The following PITPNM2 variants were observed in gnomAD, a reference collection of about 807,000 sequenced individuals.
PITPNM2 encodes the protein membrane-associated phosphatidylinositol transfer protein 2.
A neutral mutation model predicts 132.2 loss-of-function variants in PITPNM2; 35 were observed. The observed-to-expected ratio is 0.26, with a 90% CI of 0.20 to 0.35. The LOEUF is 0.35. Ranked by LOEUF, PITPNM2 falls within the 10% of genes least tolerant of loss-of-function variation. The pLI, the probability that PITPNM2 is intolerant of heterozygous loss-of-function variation, is 1.00. For synonymous variants in PITPNM2, 738 were observed against 799.2 expected, an observed-to-expected ratio of 0.92 and a Z score of 1.29; for missense variants, 1,332 against 1,912.0, an observed-to-expected ratio of 0.70 and a Z score of 5.66.
At chr12:123,147,976 G>A (rs923491577) in intron 1 of PITPNM2, among the ~76,000 whole-genome samples, 16 of 152,114 alleles carry the variant, frequency 1.1e-4, no homozygotes, top group African/African-American at 2.9e-4. Flanking sequence ...AGTTTCCTGC[G>A]GGAAGGCAAA....
In PITPNM2 at chr12:122,986,170, C is replaced by T. The variant is rs372311787; in HGVS notation, c.3907G>A (p.Gly1303Arg). 8.3e-5 allele frequency: 128 copies of T among 1,539,534 alleles called. No individual in the cohort carries two copies. The African/African-American group carries it at 1.3e-3, about 16-fold the overall frequency. Residue 1303 changes from glycine (G) to arginine (R), a missense_variant, in exon 26 of 26, where the codon GGG (glycine) becomes AGG (arginine). This residue lies in a region of PITPNM2 where 163 missense variants were observed against 177.2 expected (regional missense o/e 0.92). Transcript: ENST00000320201. ...LLRTISAQPS[G>R]PSHRHERTQS... is the part of the protein sequence containing the mutation. ...GTCCGCTCGTGCCGGTGGCTGGGCC[C>T]GCTGGGCTGGGCCGAGATGGTGCGA... is the stretch of plus-strand genomic sequence containing the variant.
intron 2 of PITPNM2, among the ~76,000 whole-genome samples, chr12:123,072,727 T>C (rs538220333): frequency 5.2e-5 from 8 of 152,384 alleles, no homozygotes; most frequent in African/African-American, 1.7e-4. Flanking sequence ...GCTTTCAGGA[T>C]GCCGAAGGCA....
chr12:123,067,546 G>T (rs973577614), intron 2 of PITPNM2, among the ~76,000 whole-genome samples: 1 of 152,068 alleles, frequency 6.6e-6, no homozygotes, highest in African/African-American at 2.4e-5. Context: ...AGAAGGCCAT[G>T]TGAAGGCAGA....
At chr12:123,151,147 G>A (rs1382631082), upstream of PITPNM2, among the ~76,000 whole-genome samples, 1 of 146,356 alleles carries the variant, frequency 6.8e-6, no homozygotes, top group Admixed American at 6.8e-5. Flanking sequence ...GCCTCCTCAG[G>A]CCGCGCGGGG....
At position 122,986,501 on chromosome 12, in the gene PITPNM2, T is replaced by C; in HGVS notation, c.3661A>G (p.Ser1221Gly). 2 of 1,592,702 alleles carry C rather than the reference T, an allele frequency of 1.3e-6. No individual in the cohort carries two copies. Among genetic ancestry groups the C allele is most frequent in the Non-Finnish European group, 1.7e-6 (2 of 1,170,088 alleles). The change falls in exon 25 of 26, where the codon AGC becomes GGC. Residue 1221 changes from serine (S) to glycine (G), a missense_variant. Transcript: ENST00000320201. ...ATGTAGATCTGCATGGGGGACAGGC[T>C]AATGGCGCTGTACACCGCCACGTCC... ...TKDVAVYSAI[S>G]LSPMQIYIVG...
chr12:123,135,073 C>T (rs1365867529), intron 1 of PITPNM2, among the ~76,000 whole-genome samples: 1 of 152,130 alleles, frequency 6.6e-6, no homozygotes, highest in Non-Finnish European at 1.5e-5. Flanking sequence ...CAGCCTTTCG[C>T]AGTGCCCACT....
chr12:123,063,000 C>A (rs1044844514), intron 2 of PITPNM2, among the ~76,000 whole-genome samples: 6 of 152,196 alleles, frequency 3.9e-5, no homozygotes, highest in Non-Finnish European at 7.3e-5. Context: ...AGCAAATGTG[C>A]ACACACACAC....
chr12:122,984,107 T>A lies in PITPNM2; in HGVS notation c.*1920A>T, dbSNP rs898775417. 1 of 153,064 alleles carries A rather than the reference T, an allele frequency of 6.5e-6. No individual in the cohort carries two copies. The highest frequency in any genetic ancestry group is 6.5e-5 in the Admixed American group (1 of 15,314). 9.5% of individuals were successfully genotyped at this position (153,064 alleles called of 1,614,324 possible). On this transcript the variant is annotated 3_prime_UTR_variant, in exon 26 of 26. Coordinates refer to ENST00000320201, the MANE Select transcript of PITPNM2 (RefSeq NM_020845.3). ...GAGAGCCCCAGGGGACTATTGCTGT[T>A]GTCCTTGGCATGGCTGGCGGCTGGG...
chr12:123,066,584 A>G (rs1030000863), intron 2 of PITPNM2, among the ~76,000 whole-genome samples: 1 of 152,102 alleles, frequency 6.6e-6, no homozygotes, highest in African/African-American at 2.4e-5. Context: ...TCCTCTCTGC[A>G]ATGCCCATCC....
rs910351434 is a variant in PITPNM2 at position 123,000,541 on chromosome 12, G to A, written c.1224+237C>T. On this transcript the variant is annotated intron_variant, in intron 10 of 25. Transcript: ENST00000320201. This position sits in a 1 kb window ranked among gnomAD's most constrained non-coding sequence, Gnocchi z 5.4. ...GTGGAGCTTGGATAAGGCTTTCTCAGGGGTTGTCTGTAGTCCCTGGTTCTC... is the reference window on the plus strand; with the variant it reads ...GTGGAGCTTGGATAAGGCTTTCTCAAGGGTTGTCTGTAGTCCCTGGTTCTC... The A allele has an allele frequency of 2.9e-6, 2 of 689,938 alleles. No homozygotes were observed. Among genetic ancestry groups the A allele is most frequent in the East Asian group, 2.7e-5 (1 of 37,048 alleles). 42.7% of individuals were successfully genotyped at this position (689,938 alleles called of 1,614,324 possible).
chr12:123,103,274 C>T (rs2042610409), intron 2 of PITPNM2, among the ~76,000 whole-genome samples: 1 of 152,174 alleles, frequency 6.6e-6, no homozygotes, highest in African/African-American at 2.4e-5. Flanking sequence ...TACAGGCTCC[C>T]TGGGTTTGCT....
intron 1 of PITPNM2, among the ~76,000 whole-genome samples, chr12:123,125,877 T>TG (rs1244604585): frequency 1.9e-5 from 2 of 105,508 alleles, no homozygotes; most frequent in Admixed American, 9.1e-5. Context: ...TTTTTTTTTT[T>TG]TTTTTTTTTT....
chr12:123,018,912 T>G (rs888631721), intron 3 of PITPNM2, among the ~76,000 whole-genome samples: 1 of 151,354 alleles, frequency 6.6e-6, no homozygotes, highest in Non-Finnish European at 1.5e-5. Flanking sequence ...GCTGACCAAG[T>G]AGCTGGGATT....
At chr12:122,987,930 G>A in intron 20 of PITPNM2, 29 bp from the exon 21 acceptor site, 1 of 1,578,254 alleles carries the variant, frequency 6.3e-7, no homozygotes, top group Non-Finnish European at 8.6e-7. Context: ...GCCCAGGTCA[G>A]GGGGTCGGAG....
intron 2 of PITPNM2, among the ~76,000 whole-genome samples, chr12:123,056,562 C>T (rs1048431124): frequency 6.6e-6 from 1 of 152,200 alleles, no homozygotes; most frequent in Admixed American, 6.5e-5. Context: ...CCAGGAGGCC[C>T]AGACCCAGGA....
At position 123,001,079 on chromosome 12, in the gene PITPNM2, C is replaced by G. The variant is rs529435886; in HGVS notation, c.1128G>C (p.Glu376Asp). The G allele has an allele frequency of 6.2e-6, 10 of 1,614,178 alleles. No individual in the cohort carries two copies. The African/African-American group carries it at 1.2e-4, about 19-fold the overall frequency. The change falls in exon 9 of 26, where the codon GAG (glutamate) becomes GAC (aspartate). Residue 376 changes from glutamate (E) to aspartate (D), a missense_variant. By Grantham distance (45) the Glu-to-Asp change is conservative. Coordinates refer to ENST00000320201, the MANE Select transcript of PITPNM2 (RefSeq NM_020845.3). ...WSSNDLMDKIESPEPEDTQDG... is the reference protein window; with the variant it reads ...WSSNDLMDKIDSPEPEDTQDG... ...CTTGTGTGTCTTCCGGCTCTGGGCT[C>G]TCGATCTTGTCCATGAGGTCATTGG...
rs2038292010 is a variant in PITPNM2, at chr12:122,993,580, AATTT to A, written c.2234-915_2234-912del. Among the ~76,000 whole-genome samples the A allele has an allele frequency of 6.6e-6, 1 of 152,150 alleles. No homozygotes were observed. The highest frequency in any genetic ancestry group is 1.5e-5 in the Non-Finnish European group (1 of 68,028). On this transcript the variant is annotated intron_variant, in intron 15 of 25. Coordinates refer to ENST00000320201, the MANE Select transcript of PITPNM2 (RefSeq NM_020845.3). This position sits in a 1 kb window ranked among gnomAD's most constrained non-coding sequence, Gnocchi z 5.2. ...GTACTCCACTGTGTGGTTGTGCCAG[AATTT>A]ATTTAACCAGCCCCTCCACATAGAC...
At chr12:123,072,070 C>T (rs575017582) in intron 2 of PITPNM2, among the ~76,000 whole-genome samples, 1 of 152,336 alleles carries the variant, frequency 6.6e-6, no homozygotes, top group South Asian at 2.1e-4. Flanking sequence ...AGCCTGTTCA[C>T]AGCCACAGGC....
chr12:122,991,707 G>A, intron 16 of PITPNM2: 1 of 1,291,854 alleles, frequency 7.7e-7, no homozygotes, highest in Non-Finnish European at 9.8e-7. Context: ...CTGAGGACCA[G>A]GTCAACCAAC....
Sources: allele counts gnomAD v4.1 joint callset (sites outside exome capture counted in the v4.1 genomes callset), GRCh38; gene constraint gnomAD v4.1.1; regional missense constraint gnomAD v4.1.1; non-coding constraint Gnocchi (gnomAD v3.1); transcripts MANE v1.5; gene names NCBI Gene and HGNC (gene_info 2026-07-23, HGNC 2026-07-21).